ADAP2: variants seen among roughly 807,000 people sequenced by gnomAD.
The protein encoded by ADAP2 is ArfGAP with dual PH domains 2.
Under a neutral mutation model 54.9 loss-of-function variants are expected in ADAP2, and 42 were observed. The observed-to-expected ratio is 0.77, with a 90% CI of 0.60 to 0.99. ADAP2 has a LOEUF of 0.99. Ranked by LOEUF, ADAP2 falls within the 50% of genes least tolerant of loss-of-function variation. The pLI, the probability that ADAP2 is intolerant of heterozygous loss-of-function variation, is 0.00. For missense variants in ADAP2, 429 were observed against 480.4 expected (o/e 0.89, Z 1.00); for synonymous variants, 177 against 180.1 (o/e 0.98, Z 0.14).
intron 5 of ADAP2, among the ~76,000 whole-genome samples, chr17:30,938,086 G>A (rs78253107): frequency 6.6e-6 from 1 of 152,342 alleles, no homozygotes; most frequent in Non-Finnish European, 1.5e-5. Context: ...TTTTGGTTAT[G>A]TGTTGCTGAG....
At chr17:30,936,258 A>G (rs1219400429) in intron 5 of ADAP2, among the ~76,000 whole-genome samples, 1 of 151,664 alleles carries the variant, frequency 6.6e-6, no homozygotes, top group Non-Finnish European at 1.5e-5. Context: ...GGCCTCAAGC[A>G]CTCCTCCTGC....
Position 30,934,201 on chromosome 17 carries a change from C to T in ADAP2, c.414C>T (p.Phe138=), listed in dbSNP as rs1310277631. 6.2e-7 allele frequency: 1 copy of T among 1,613,848 alleles called. No homozygotes were observed. Among genetic ancestry groups the T allele is most frequent in the East Asian group, 2.2e-5 (1 of 44,892 alleles). ...TISLPGNREG[F]LWKRGRDNSQ... is the part of the protein sequence containing the mutation. ...CTGCTTAAGGTAACCGAGAAGGATT[C>T]CTGTGGAAGCGAGGAAGGGACAACT... The change falls in exon 5 of 11, where the codon TTC becomes TTT. Residue 138 remains phenylalanine, a synonymous_variant. Transcript: ENST00000330889.
rs749399052 is a variant in ADAP2, at chr17:30,926,892, C to T, written c.291C>T (p.Tyr97=). 2 of 1,614,192 alleles carry T rather than the reference C, an allele frequency of 1.2e-6. No homozygotes were observed. Residue 97 remains tyrosine (Y), a synonymous_variant, in exon 3 of 11, where the codon TAC becomes TAT. Coordinates refer to ENST00000330889, the MANE Select transcript of ADAP2 (RefSeq NM_018404.3). ...AKFEARVPAF[Y]YIPQANDCLV... ...TCGAAGCCAGAGTCCCAGCTTTCTA[C>T]TACATCCCCCAGGCCAACGACTGCC...
At chr17:30,953,200 A>T in intron 7 of ADAP2, 88 bp from the exon 8 acceptor site, 1 of 1,232,078 alleles carries the variant, frequency 8.1e-7, no homozygotes, top group Non-Finnish European at 1.2e-6. Flanking sequence ...CCCCATTTCA[A>T]ACTTCCCCTT....
chr17:30,945,407 C>T (rs1005540964), intron 6 of ADAP2, among the ~76,000 whole-genome samples: 4 of 152,076 alleles, frequency 2.6e-5, no homozygotes, highest in Non-Finnish European at 5.9e-5. Context: ...CAGTGCACCC[C>T]GGGACCCTGC....
intron 5 of ADAP2, among the ~76,000 whole-genome samples, chr17:30,942,906 T>C (rs1352492788): frequency 6.6e-6 from 1 of 152,158 alleles, no homozygotes; most frequent in Non-Finnish European, 1.5e-5. Flanking sequence ...TAACAGATAC[T>C]GGTGAGGTTG....
intron 7 of ADAP2, among the ~76,000 whole-genome samples, chr17:30,952,372 CT>C (rs1251008324): frequency 6.6e-6 from 1 of 152,082 alleles, no homozygotes; most frequent in African/African-American, 2.4e-5. Context: ...ATTTTCTTTT[CT>C]TTTTTGTTTT....
chr17:30,924,176 C>T (rs567477185), intron 2 of ADAP2, among the ~76,000 whole-genome samples: 1 of 152,108 alleles, frequency 6.6e-6, no homozygotes, highest in Admixed American at 6.6e-5. Context: ...AGTTCAAGAG[C>T]AGCCTGGGCA....
intron 5 of ADAP2, among the ~76,000 whole-genome samples, chr17:30,941,170 A>T (rs1260392121): frequency 6.6e-6 from 1 of 152,208 alleles, no homozygotes; most frequent in African/African-American, 2.4e-5. Context: ...AAGTTTGCCC[A>T]GCTTTAATTT....
intron 3 of ADAP2, among the ~76,000 whole-genome samples, chr17:30,927,238 A>T (rs1911121328): frequency 6.6e-6 from 1 of 152,078 alleles, no homozygotes; most frequent in Non-Finnish European, 1.5e-5. Context: ...TAGCTTACAG[A>T]TGGTGGCTAA....
chr17:30,923,059 A>G lies in ADAP2; in HGVS notation c.214A>G (p.Ser72Gly), dbSNP rs1910758949. ...TGTGCGACTTGACTTCTGGGACGAC[A>G]GTATTGTGGAGGTAGAAAGGCATGC... ...KSVRLDFWDD[S>G]IVEFMIHNGN... Residue 72 changes from serine to glycine, a missense_variant, in exon 2 of 11, where the codon AGT becomes GGT. Physicochemically the swap from Ser to Gly is moderately conservative, Grantham distance 56. Transcript: ENST00000330889. 3 of 1,613,748 alleles carry G rather than the reference A, an allele frequency of 1.9e-6. No individual in the cohort carries two copies. The highest frequency in any genetic ancestry group is 2.5e-6 in the Non-Finnish European group (3 of 1,179,942).
intron 8 of ADAP2, 176 bp from the exon 9 acceptor site, chr17:30,954,302 G>A (rs1464214031): frequency 3.2e-6 from 2 of 620,496 alleles, no homozygotes; most frequent in East Asian, 2.5e-5. Flanking sequence ...AACCTTCAGA[G>A]CCTGAGGGCT....
chr17:30,934,754 C>T (rs968633730), intron 5 of ADAP2, among the ~76,000 whole-genome samples: 3 of 152,108 alleles, frequency 2.0e-5, no homozygotes, highest in South Asian at 2.1e-4. Flanking sequence ...GAAGTGGCTG[C>T]GCACAGTAGC....
In ADAP2 at chr17:30,949,277, C is replaced by T. The variant is rs202013881; in HGVS notation, c.658-10C>T. 12 of 1,608,424 alleles carry T rather than the reference C, an allele frequency of 7.5e-6. No individual in the cohort carries two copies. The highest frequency in any genetic ancestry group is 3.3e-5 in the Admixed American group (2 of 59,832). ...TGCTGTGTGTGTGTCCTGTGCACTTCTCTCCGCAGGAGATAGTGGACTGGT... is the reference window on the plus strand; with the variant it reads ...TGCTGTGTGTGTGTCCTGTGCACTTTTCTCCGCAGGAGATAGTGGACTGGT... On this transcript the variant is annotated splice_polypyrimidine_tract_variant and intron_variant, in intron 6 of 10. Transcript: ENST00000330889.
At chr17:30,950,918 A>G (rs1369565617) in intron 7 of ADAP2, among the ~76,000 whole-genome samples, 2 of 152,172 alleles carry the variant, frequency 1.3e-5, no homozygotes, top group Non-Finnish European at 2.9e-5. Context: ...CTTTGCTGAC[A>G]TGTGTAAAGG....
chr17:30,938,332 G>A (rs1912034288), intron 5 of ADAP2, among the ~76,000 whole-genome samples: 1 of 152,182 alleles, frequency 6.6e-6, no homozygotes, highest in Admixed American at 6.6e-5. Context: ...TCTAGCTTAA[G>A]CTTTCTTGTG....
rs759687818 is a variant in ADAP2 at position 30,923,056 on chromosome 17, G to C, written c.211G>C (p.Asp71His). ...VKSVRLDFWD[D>H]SIVEFMIHNG... Reference sequence around the variant, plus strand: ...ATCTGTGCGACTTGACTTCTGGGACGACAGTATTGTGGAGGTAGAAAGGCA... The same window carrying C: ...ATCTGTGCGACTTGACTTCTGGGACCACAGTATTGTGGAGGTAGAAAGGCA... Residue 71 changes from aspartate to histidine, a missense_variant, in exon 2 of 11, where the codon GAC becomes CAC. Transcript: ENST00000330889. 8.7e-6 allele frequency: 14 copies of C among 1,613,866 alleles called. No individual in the cohort carries two copies. The highest frequency in any genetic ancestry group is 1.6e-4 in the Middle Eastern group (1 of 6,062).
At chr17:30,937,828 C>G (rs1911999375) in intron 5 of ADAP2, among the ~76,000 whole-genome samples, 1 of 152,194 alleles carries the variant, frequency 6.6e-6, no homozygotes, top group African/African-American at 2.4e-5. Context: ...GTGGCAAAGA[C>G]TTAGACCCCT....
intron 5 of ADAP2, among the ~76,000 whole-genome samples, chr17:30,941,868 T>C (rs1912292813): frequency 6.6e-6 from 1 of 152,102 alleles, no homozygotes; most frequent in African/African-American, 2.4e-5. Context: ...ATATCTTGAT[T>C]GTTGTGGTTA....
Sources: allele counts gnomAD v4.1 joint callset (sites outside exome capture counted in the v4.1 genomes callset), GRCh38; gene constraint gnomAD v4.1.1; transcripts MANE v1.5; gene names NCBI Gene and HGNC (gene_info 2026-07-23, HGNC 2026-07-21).